The following ESPNL variants were observed in gnomAD, a reference collection of about 807,000 sequenced individuals.
ESPNL encodes espin like.
In ESPNL, 49 loss-of-function variants were observed where a neutral mutation model predicts 46.8. The observed-to-expected ratio is 1.05, with a 90% confidence interval of 0.83 to 1.33. The LOEUF is 1.33. Among genes scored for constraint, ESPNL ranks in the 40% most tolerant of loss-of-function variants. The probability of loss-of-function intolerance (pLI) is 0.00; values close to 1 mark genes in which losing one functional copy is unlikely to be tolerated. For synonymous variants in ESPNL, 664 were observed against 662.1 expected (o/e 1.00, Z -0.04); for missense variants, 1,540 against 1,436.6 (o/e 1.07, Z -1.16).
At position 238,128,827 on chromosome 2, in the gene ESPNL, A is replaced by G. The variant is rs572667961; in HGVS notation, c.1336A>G (p.Ile446Val). 5 of 1,550,620 alleles carry G rather than the reference A, an allele frequency of 3.2e-6. No homozygotes were observed. In the South Asian group the frequency reaches 4.8e-5, roughly 15 times the overall value. Residue 446 changes from isoleucine (I) to valine (V), a missense_variant, in exon 8 of 9, where the codon ATC becomes GTC. By Grantham distance (29) the Ile-to-Val change is conservative (BLOSUM62 3). Transcript: ENST00000343063. Reference sequence around the variant, plus strand: ...CACGCGGGATGAGCGCGGCCAGCCCATCCCAGAGTGGAAGCGGCAGGTGAT... The same window carrying G: ...CACGCGGGATGAGCGCGGCCAGCCCGTCCCAGAGTGGAAGCGGCAGGTGAT... ...VPTRDERGQP[I>V]PEWKRQVMVR... is the part of the protein sequence containing the mutation.
intron 2 of ESPNL, among the ~76,000 whole-genome samples, chr2:238,103,602 A>C (rs1691533423): frequency 6.6e-6 from 1 of 152,034 alleles, no homozygotes; most frequent in South Asian, 2.1e-4. Flanking sequence ...GTTGCCCCCG[A>C]CCCACTGGCT....
In ESPNL at chr2:238,125,254, G is replaced by A; in HGVS notation, c.988-16G>A. ...CCCACGGGGGTCCCCCACTGACCAG[G>A]CCCATTCACCCACAGGTGCCCCTGC... On this transcript the variant is annotated splice_polypyrimidine_tract_variant and intron_variant, in intron 5 of 8. Coordinates refer to ENST00000343063, the MANE Select transcript of ESPNL (RefSeq NM_194312.4). 5.8e-6 allele frequency: 8 copies of A among 1,368,834 alleles called. No homozygotes were observed. Among genetic ancestry groups the A allele is most frequent in the Non-Finnish European group, 7.9e-6 (8 of 1,007,384 alleles). 84.8% of individuals were successfully genotyped at this position (1,368,834 alleles called of 1,614,324 possible).
In ESPNL at chr2:238,131,677, G is replaced by A. The variant is rs140603175; in HGVS notation, c.2963G>A (p.Arg988His). ...NGEDICGYIN[R>H]SFAFWKEKEA... ...GAGGACATCTGCGGCTACATCAACC[G>A]CAGCTTTGCCTTCTGGAAGGAGAAG... The change falls in exon 9 of 9, where the codon CGC becomes CAC. Residue 988 changes from arginine to histidine, a missense_variant. Arg to His is a conservative substitution (Grantham distance 29, BLOSUM62 0). Transcript: ENST00000343063. The A allele has an allele frequency of 9.8e-5, 156 of 1,599,714 alleles. 4 individuals are homozygous for A. In the South Asian group the frequency reaches 1.3e-3, roughly 14 times the overall value.
intron 6 of ESPNL, among the ~76,000 whole-genome samples, chr2:238,126,916 C>T (rs111163671): frequency 5.9e-4 from 24 of 40,882 alleles, no homozygotes; most frequent in Middle Eastern, 0.014. Context: ...TGTGTATGAT[C>T]GTGTCTGTGT....
chr2:238,121,980 G>A (rs1385407063), intron 5 of ESPNL, among the ~76,000 whole-genome samples: 2 of 152,230 alleles, frequency 1.3e-5, no homozygotes, highest in Non-Finnish European at 2.9e-5. Flanking sequence ...CTCTCTGACC[G>A]GGTGGCATTA....
chr2:238,127,482 G>T, intron 6 of ESPNL, 140 bp from the exon 7 acceptor site: 1 of 1,408,346 alleles, frequency 7.1e-7, no homozygotes, highest in Non-Finnish European at 9.3e-7. Context: ...GGTGTTCTGG[G>T]GCAGGGTGGG....
At chr2:238,113,905 G>A (rs966152510) in intron 4 of ESPNL, among the ~76,000 whole-genome samples, 1 of 152,178 alleles carries the variant, frequency 6.6e-6, no homozygotes, top group African/African-American at 2.4e-5. Context: ...GCAGTTCTGA[G>A]TGCTGGGCTC....
At position 238,128,778 on chromosome 2, in the gene ESPNL, A is replaced by G. The variant is rs1014101896; in HGVS notation, c.1287A>G (p.Ser429=). 3 of 1,584,726 alleles carry G rather than the reference A, an allele frequency of 1.9e-6. No homozygotes were observed. Among genetic ancestry groups the G allele is most frequent in the Admixed American group, 1.8e-5 (1 of 56,176 alleles). ...CACTACAGCTGGATGGGCTGCCCTC[A>G]GGCGACATCGACGGGCTGGTGCCCA... ...LAALQLDGLP[S]GDIDGLVPTR... is the part of the protein sequence containing the mutation. Residue 429 remains serine, a synonymous_variant, in exon 8 of 9, where the codon TCA becomes TCG. Transcript: ENST00000343063.
In ESPNL at chr2:238,131,426, G is replaced by C. The variant is rs573273886; in HGVS notation, c.2712G>C (p.Val904=). ...CTGTGCGCGCCTTCCACAAGGCCGTGACCGACGAGGTGGCCGCCGGCCGCC... is the reference window on the plus strand; with the variant it reads ...CTGTGCGCGCCTTCCACAAGGCCGTCACCGACGAGGTGGCCGCCGGCCGCC... ...WEAVRAFHKA[V]TDEVAAGRRA... is the part of the protein sequence containing the mutation. Residue 904 remains valine, a synonymous_variant, in exon 9 of 9, where the codon GTG becomes GTC. Transcript: ENST00000343063. 1 of 1,608,768 alleles carries C rather than the reference G, an allele frequency of 6.2e-7. No homozygotes were observed. Among genetic ancestry groups the C allele is most frequent in the East Asian group, 2.2e-5 (1 of 44,742 alleles).
intron 3 of ESPNL, among the ~76,000 whole-genome samples, chr2:238,105,519 A>AG (rs996578991): frequency 6.6e-6 from 1 of 151,540 alleles, no homozygotes; most frequent in Non-Finnish European, 1.5e-5. Flanking sequence ...TCTCAAAAAA[A>AG]AAAAAAAAAA....
Position 238,128,821 on chromosome 2 carries a change from C to T in ESPNL, c.1330C>T (p.Gln444Ter). ...GLVPTRDERG[Q>*]PIPEWKRQVM... ...GGTGCCCACGCGGGATGAGCGCGGC[C>T]AGCCCATCCCAGAGTGGAAGCGGCA... Residue 444 changes from glutamine (Q) to a stop codon, truncating the protein, a stop_gained, in exon 8 of 9, where the codon CAG becomes TAG. Transcript: ENST00000343063. LOFTEE classifies it high-confidence loss of function. The T allele has an allele frequency of 6.4e-7, 1 of 1,551,026 alleles. No individual in the cohort carries two copies. The highest frequency in any genetic ancestry group is 8.7e-7 in the Non-Finnish European group (1 of 1,147,840).
chr2:238,121,842 G>C (rs1265878761), intron 5 of ESPNL, among the ~76,000 whole-genome samples: 1 of 152,222 alleles, frequency 6.6e-6, no homozygotes, highest in Non-Finnish European at 1.5e-5. Context: ...TGAGGAAACT[G>C]AGGCCCAGAG....
At position 238,105,678 on chromosome 2, in the gene ESPNL, C is replaced by T. The variant is rs933198506; in HGVS notation, c.672+836C>T. The stretch of plus-strand genomic sequence containing the variant: ...GGCGGGGAGAGCCTGGCCCATGGGG[C>T]CCGGGGGCGGGCAGGAAAGGCAGAC... On this transcript the variant is annotated intron_variant, in intron 3 of 8. Transcript: ENST00000343063. Among the ~76,000 whole-genome samples the T allele has an allele frequency of 2.2e-4, 34 of 152,096 alleles. No individual in the cohort carries two copies. The East Asian group carries it at 4.8e-3, about 22-fold the overall frequency.
intron 5 of ESPNL, among the ~76,000 whole-genome samples, chr2:238,119,147 A>ATGG: frequency 7.4e-3 from 4 of 540 alleles, no homozygotes; most frequent in Non-Finnish European, 8.4e-3. Context: ...ATGGAGGAGG[A>ATGG]ATGGATGGAG....
chr2:238,105,598 C>G (rs967398109), intron 3 of ESPNL, among the ~76,000 whole-genome samples: 1 of 151,318 alleles, frequency 6.6e-6, no homozygotes, highest in Non-Finnish European at 1.5e-5. Flanking sequence ...AGGAGGCGGC[C>G]GGACAAGGAG....
Position 238,101,956 on chromosome 2 carries a change from G to A in ESPNL, c.310G>A (p.Gly104Ser), listed in dbSNP as rs149793031. ...GGCTTGGTAGGACCAAGATGCCTCG[G>A]GCGTCTCCCCGCTGCACCTGGCCGC... ...GCGLQDQDASGVSPLHLAARF... is the reference protein window; with the variant it reads ...GCGLQDQDASSVSPLHLAARF... Residue 104 changes from glycine to serine, a missense_variant, in exon 2 of 9, where the codon GGC (glycine) becomes AGC (serine). Transcript: ENST00000343063. The A allele has an allele frequency of 2.5e-6, 4 of 1,608,914 alleles. No individual in the cohort carries two copies. Among genetic ancestry groups the A allele is most frequent in the African/African-American group, 2.7e-5 (2 of 74,876 alleles).
chr2:238,105,852 C>T (rs1473881942), intron 3 of ESPNL, among the ~76,000 whole-genome samples: 1 of 152,056 alleles, frequency 6.6e-6, no homozygotes, highest in Non-Finnish European at 1.5e-5. Flanking sequence ...CCCAGACCTC[C>T]CATGCTTGCC....
At position 238,131,266 on chromosome 2, in the gene ESPNL, G is replaced by T; in HGVS notation, c.2552G>T (p.Ser851Ile). ...PHVDGAPVPY[S>I]SLSLDLFMLG... ...GTGGACGGGGCTCCGGTGCCCTACA[G>T]CAGCCTCTCACTGGATCTCTTCATG... Residue 851 changes from serine to isoleucine, a missense_variant, in exon 9 of 9, where the codon AGC becomes ATC. Physicochemically the swap from Ser to Ile is moderately radical, Grantham distance 142. Transcript: ENST00000343063. The T allele has an allele frequency of 6.3e-7, 1 of 1,577,252 alleles. No individual in the cohort carries two copies. Among genetic ancestry groups the T allele is most frequent in the Non-Finnish European group, 8.6e-7 (1 of 1,163,774 alleles).
intron 6 of ESPNL, 37 bp from the exon 7 acceptor site, chr2:238,127,585 C>G: frequency 1.9e-6 from 3 of 1,557,496 alleles, no homozygotes; most frequent in South Asian, 2.4e-5. Flanking sequence ...CTCCCCAGCC[C>G]TTGCCCTTTC....
Sources: allele counts gnomAD v4.1 joint callset (sites outside exome capture counted in the v4.1 genomes callset), GRCh38; gene constraint gnomAD v4.1.1; transcripts MANE v1.5; gene names NCBI Gene and HGNC (gene_info 2026-07-23, HGNC 2026-07-21).